Variants in SOX5 observed in about 807,000 individuals in gnomAD.
SOX5 encodes transcription factor SOX-5.
A neutral mutation model predicts 92.0 loss-of-function variants in SOX5; 9 were observed. The ratio of observed to expected loss-of-function variants is 0.10; its 90% confidence interval spans 0.06 to 0.17. The LOEUF (loss-of-function observed/expected upper bound fraction) is 0.17, where lower values mean the gene tolerates loss of function less well. Ranked by LOEUF, SOX5 falls within the 10% of genes least tolerant of loss-of-function variation. The pLI, the probability that SOX5 is intolerant of heterozygous loss-of-function variation, is 1.00. For synonymous variants in SOX5, 344 were observed against 336.3 expected (o/e 1.02, Z -0.25); for missense variants, 642 against 944.5 (o/e 0.68, Z 4.20).
intron 9 of SOX5, among the ~76,000 whole-genome samples, chr12:23,585,618 A>T (rs1014560778): frequency 6.6e-6 from 1 of 152,188 alleles, no homozygotes; most frequent in Non-Finnish European, 1.5e-5. Context: ...GCAGTACAGT[A>T]ATAGTGATAT....
intron 4 of SOX5, among the ~76,000 whole-genome samples, chr12:24,115,486 A>G (rs1947892958): frequency 6.6e-6 from 1 of 152,222 alleles, no homozygotes; most frequent in Non-Finnish European, 1.5e-5. Flanking sequence ...AACCTTAAAA[A>G]CAACCAGAAT....
rs140080798 is a variant in SOX5 at position 23,894,290 on chromosome 12, C to T, written c.270+1503G>A. Among the ~76,000 whole-genome samples, 1,520 of 152,024 alleles carry T rather than the reference C, an allele frequency of 1.0e-2. 19 individuals are homozygous for T. Among genetic ancestry groups the T allele is most frequent in the African/African-American group, 0.034 (1,423 of 41,446 alleles). ...ATCACCAGGCTCGAGTGTAGTGGTGCGATCTCGGCTCACTGCAACCTCTGC... is the reference window on the plus strand; with the variant it reads ...ATCACCAGGCTCGAGTGTAGTGGTGTGATCTCGGCTCACTGCAACCTCTGC... On this transcript the variant is annotated intron_variant, in intron 2 of 14. Coordinates refer to ENST00000451604, the MANE Select transcript of SOX5 (RefSeq NM_006940.6).
chr12:24,507,436 T>C (rs905302308), intron 1 of SOX5, among the ~76,000 whole-genome samples: 1 of 151,714 alleles, frequency 6.6e-6, no homozygotes. Flanking sequence ...ATACAGATTA[T>C]GGAACACTCT....
chr12:24,503,831 G>A (rs188872560), intron 1 of SOX5, among the ~76,000 whole-genome samples: 9 of 152,300 alleles, frequency 5.9e-5, no homozygotes, highest in Non-Finnish European at 1.0e-4. Context: ...TCAGGGGTTG[G>A]TGGGTAGGGG....
intron 8 of SOX5, among the ~76,000 whole-genome samples, chr12:23,630,483 C>T (rs1022984016): frequency 2.0e-5 from 3 of 151,894 alleles, no homozygotes; most frequent in Admixed American, 6.6e-5. Context: ...TTTAGTGCTG[C>T]TCTGAAACGT....
At chr12:24,047,034 A>T (rs16927092) in intron 4 of SOX5, among the ~76,000 whole-genome samples, 24,958 of 127,960 alleles carry the variant, frequency 0.2, 2,229 homozygotes, top group Non-Finnish European at 0.24. Flanking sequence ...AACCTATTCA[A>T]AATATTTCCT....
At chr12:24,514,115 T>G (rs1185622392) in intron 1 of SOX5, among the ~76,000 whole-genome samples, 1 of 152,258 alleles carries the variant, frequency 6.6e-6, no homozygotes, top group African/African-American at 2.4e-5. Context: ...CAACAGGGCC[T>G]TTCAACAATT....
chr12:24,072,932 A>C (rs1168025991), intron 4 of SOX5, among the ~76,000 whole-genome samples: 1 of 152,218 alleles, frequency 6.6e-6, no homozygotes, highest in Non-Finnish European at 1.5e-5. Flanking sequence ...AGTCACAGAG[A>C]ATGCTGAATG....
chr12:23,561,970 C>T (rs1035686591), intron 11 of SOX5, among the ~76,000 whole-genome samples: 2 of 152,152 alleles, frequency 1.3e-5, no homozygotes, highest in African/African-American at 4.8e-5. Context: ...GAGTGTTAAA[C>T]TCATTTCTAC....
intron 2 of SOX5, among the ~76,000 whole-genome samples, chr12:24,316,257 G>A (rs1345168230): frequency 3.9e-5 from 6 of 152,180 alleles, no homozygotes; most frequent in Non-Finnish European, 2.9e-5. Context: ...AAGGGGAGTA[G>A]AAGGGTGGAG....
At chr12:24,181,907 G>A (rs1189507155) in intron 4 of SOX5, among the ~76,000 whole-genome samples, 3 of 152,044 alleles carry the variant, frequency 2.0e-5, no homozygotes, top group African/African-American at 4.8e-5. Flanking sequence ...TTTTCAAATA[G>A]GTATGCTTCC....
At chr12:24,037,800 A>G (rs557547330) in intron 4 of SOX5, among the ~76,000 whole-genome samples, 87 of 152,294 alleles carry the variant, frequency 5.7e-4, no homozygotes, top group South Asian at 2.5e-3. Context: ...ATAGAGACTA[A>G]CTGATGTCTG....
intron 3 of SOX5, among the ~76,000 whole-genome samples, chr12:24,263,846 C>T (rs1942623901): frequency 6.6e-6 from 1 of 152,130 alleles, no homozygotes; most frequent in South Asian, 2.1e-4. Context: ...TCAGATTTCT[C>T]CTCTGCTGGC....
intron 4 of SOX5, among the ~76,000 whole-genome samples, chr12:24,025,420 C>G (rs1954774323): frequency 6.6e-6 from 1 of 152,072 alleles, no homozygotes; most frequent in East Asian, 1.9e-4. Context: ...TTGAAAGTTA[C>G]TAGCTCAACT....
Position 23,534,342 on chromosome 12 carries a change from T to C in SOX5, c.2169A>G (p.Lys723=). ...TGATGTCCTCGGCCTGTATCTCTTC[T>C]TTGATATGTGGCTCCTCTCCTTTCA... is the stretch of plus-strand genomic sequence containing the variant. ...YGVKGEEPHI[K]EEIQAEDING... is the part of the protein sequence containing the mutation. The change falls in exon 15 of 15, where the codon AAA becomes AAG. Residue 723 remains lysine, a synonymous_variant. Coordinates refer to ENST00000451604, the MANE Select transcript of SOX5 (RefSeq NM_006940.6). The C allele has an allele frequency of 6.2e-7, 1 of 1,614,176 alleles. No homozygotes were observed. Among genetic ancestry groups the C allele is most frequent in the Middle Eastern group, 1.7e-4 (1 of 6,060 alleles).
At chr12:24,297,527 CT>C in intron 2 of SOX5, among the ~76,000 whole-genome samples, 1 of 152,186 alleles carries the variant, frequency 6.6e-6, no homozygotes, top group Non-Finnish European at 1.5e-5. Context: ...CACTCTCTTC[CT>C]TAAATATTGC....
intron 4 of SOX5, among the ~76,000 whole-genome samples, chr12:24,175,475 C>T (rs570621991): frequency 7.1e-4 from 108 of 152,346 alleles, no homozygotes; most frequent in Non-Finnish European, 1.2e-3. Flanking sequence ...AAGCACAGTG[C>T]ATGCACGCTG....
intron 1 of SOX5, among the ~76,000 whole-genome samples, chr12:24,525,004 A>G (rs1303537654): frequency 6.6e-6 from 1 of 152,202 alleles, no homozygotes; most frequent in Non-Finnish European, 1.5e-5. Context: ...TCAAAAAATT[A>G]AAAATAGAAC....
chr12:24,274,703 C>T (rs1404590634), intron 3 of SOX5, among the ~76,000 whole-genome samples: 1 of 151,784 alleles, frequency 6.6e-6, no homozygotes, highest in Non-Finnish European at 1.5e-5. Context: ...CTGTCATCTC[C>T]ACAATATTTT....
Sources: gnomAD v4.1 joint callset for allele counts (sites outside exome capture counted in the v4.1 genomes callset) on GRCh38, gnomAD v4.1.1 for gene constraint, MANE v1.5 for transcripts, NCBI Gene and HGNC (gene_info 2026-07-23, HGNC 2026-07-21) for gene names.